Variants in NCKAP1 observed in about 807,000 individuals in gnomAD.
NCKAP1 encodes the protein nck-associated protein 1.
NCKAP1 carries 21 observed loss-of-function variants against 151.2 expected under a neutral mutation model. The ratio of observed to expected loss-of-function variants is 0.14; its 90% confidence interval spans 0.10 to 0.20. The LOEUF (loss-of-function observed/expected upper bound fraction) is 0.20. NCKAP1 is among the 10% of genes least tolerant of loss of function. NCKAP1 has a pLI of 1.00. For synonymous variants in NCKAP1, 484 were observed against 451.8 expected, an observed-to-expected ratio of 1.07 and a Z score of -0.90; for missense variants, 933 against 1,352.1, an observed-to-expected ratio of 0.69 and a Z score of 4.86.
At chr2:183,009,310 G>A (rs376325933) in intron 2 of NCKAP1, among the ~76,000 whole-genome samples, 13 of 151,206 alleles carry the variant, frequency 8.6e-5, no homozygotes, top group Admixed American at 3.3e-4. Context: ...GGGAGGTGGA[G>A]GCTGCAGTGA....
intron 15 of NCKAP1, among the ~76,000 whole-genome samples, chr2:182,969,157 C>A (rs1697635316): frequency 6.6e-6 from 1 of 152,150 alleles, no homozygotes; most frequent in African/African-American, 2.4e-5. Flanking sequence ...AGAATTTATT[C>A]TTCTCATCAG....
At chr2:182,980,888 C>G (rs1697923632) in intron 13 of NCKAP1, among the ~76,000 whole-genome samples, 1 of 152,170 alleles carries the variant, frequency 6.6e-6, no homozygotes, top group Non-Finnish European at 1.5e-5. Context: ...TCCCAGCAAT[C>G]TACCATCCAC....
chr2:183,025,760 T>C (rs931965731), intron 1 of NCKAP1, among the ~76,000 whole-genome samples: 5 of 152,152 alleles, frequency 3.3e-5, no homozygotes, highest in Non-Finnish European at 7.4e-5. Context: ...TACTAAAAAT[T>C]TGCCCAAACA....
chr2:182,991,265 T>C (rs541655733), intron 8 of NCKAP1, among the ~76,000 whole-genome samples: 1 of 152,294 alleles, frequency 6.6e-6, no homozygotes, highest in East Asian at 1.9e-4. Flanking sequence ...GAATTTAAAA[T>C]AGATTGCCCA....
Position 182,987,367 on chromosome 2 carries a change from C to G in NCKAP1, c.948-1140G>C, listed in dbSNP as rs549371602. On this transcript the variant is annotated intron_variant, in intron 9 of 30. Coordinates refer to ENST00000361354, the MANE Select transcript of NCKAP1 (RefSeq NM_013436.5). ...AGCAAATTTCCAAAATATAATAATT[C>G]TGTAATCATCACCCTCTATAATTAA... is the stretch of plus-strand genomic sequence containing the variant. 1.2e-4 allele frequency among the ~76,000 whole-genome samples: 19 copies of G among 152,206 alleles called. No homozygotes were observed. In the South Asian group the frequency reaches 3.9e-3, roughly 32 times the overall value.
At position 182,920,985 on chromosome 2, in the gene NCKAP1, G is replaced by A. The variant is rs184957220; in HGVS notation, c.*4717C>T. On this transcript the variant is annotated 3_prime_UTR_variant, in exon 31 of 31. Coordinates refer to ENST00000361354, the MANE Select transcript of NCKAP1 (RefSeq NM_013436.5). ...AGGACGCATCACTGAGTAGTGCACAGTTTTAGTCTGTGAGCACGCTTCAGT... is the reference window on the plus strand; with the variant it reads ...AGGACGCATCACTGAGTAGTGCACAATTTTAGTCTGTGAGCACGCTTCAGT... 7 of 152,286 alleles carry A rather than the reference G, an allele frequency of 4.6e-5. No individual in the cohort carries two copies. The highest frequency in any genetic ancestry group is 6.5e-5 in the Admixed American group (1 of 15,298). The allele number at this position is 152,286 out of a possible 1,614,324, so 9.4% of individuals were successfully genotyped here.
In NCKAP1 at chr2:182,967,904, T is replaced by C. The variant is rs146321032; in HGVS notation, c.1483-543A>G. On this transcript the variant is annotated intron_variant, in intron 15 of 30. Transcript: ENST00000361354. ...TAGAACTAAACGAAAATCATTAAGA[T>C]AGGTTGTGGGGAAAAAAATTCTACA... 2.4e-3 allele frequency among the ~76,000 whole-genome samples: 370 copies of C among 152,280 alleles called. 3 individuals are homozygous for C. Among genetic ancestry groups the C allele is most frequent in the African/African-American group, 7.8e-3 (324 of 41,560 alleles).
intron 2 of NCKAP1, among the ~76,000 whole-genome samples, chr2:183,011,703 T>G (rs1698592962): frequency 6.6e-6 from 1 of 152,264 alleles, no homozygotes. Flanking sequence ...GGGGCTATCA[T>G]GAATAACAAA....
At chr2:183,010,874 C>T (rs889123736) in intron 2 of NCKAP1, among the ~76,000 whole-genome samples, 7 of 152,162 alleles carry the variant, frequency 4.6e-5, no homozygotes, top group Non-Finnish European at 1.0e-4. Flanking sequence ...AGTTCCTTTA[C>T]ATTCAATTTT....
In NCKAP1 at chr2:182,917,400, T is replaced by C. The variant is rs1696485112; in HGVS notation, c.*8302A>G. The stretch of plus-strand genomic sequence containing the variant: ...ACACAGCACAGTGGAAGGAACACTA[T>C]ATGAGCACATCGCCACATATGTTAA... On this transcript the variant is annotated 3_prime_UTR_variant, in exon 31 of 31. Coordinates refer to ENST00000361354, the MANE Select transcript of NCKAP1 (RefSeq NM_013436.5). 6.6e-6 allele frequency: 1 copy of C among 152,184 alleles called. No homozygotes were observed. Among genetic ancestry groups the C allele is most frequent in the South Asian group, 2.1e-4 (1 of 4,832 alleles). The allele number at this position is 152,184 out of a possible 1,614,324, so 9.4% of individuals were successfully genotyped here.
At chr2:182,983,455 T>C in intron 10 of NCKAP1, 73 bp from the exon 11 acceptor site, 2 of 1,082,488 alleles carry the variant, frequency 1.8e-6, no homozygotes, top group Non-Finnish European at 2.8e-6. Context: ...GTAACTAGCA[T>C]TATAGGTGCA....
intron 2 of NCKAP1, among the ~76,000 whole-genome samples, chr2:183,018,187 C>T (rs1310351476): frequency 6.6e-6 from 1 of 152,036 alleles, no homozygotes; most frequent in South Asian, 2.1e-4. Context: ...GCAGAGGTTG[C>T]AGTGAGCCAA....
At chr2:182,978,770 C>A in intron 14 of NCKAP1, 64 bp downstream of exon 14, 1 of 964,454 alleles carries the variant, frequency 1.0e-6, no homozygotes, top group East Asian at 2.7e-5. Context: ...AAATTATCTC[C>A]TTAATAATCA....
chr2:182,945,375 G>A (rs578015494), intron 23 of NCKAP1, among the ~76,000 whole-genome samples: 1 of 152,058 alleles, frequency 6.6e-6, no homozygotes, highest in African/African-American at 2.4e-5. Context: ...TCCAGACCAG[G>A]TGACAGGGAG....
At chr2:183,023,779 A>G (rs111578664) in intron 2 of NCKAP1, 27 bp downstream of exon 2, 1 of 1,541,618 alleles carries the variant, frequency 6.5e-7, no homozygotes, top group East Asian at 2.2e-5. Context: ...CTTAAAATTA[A>G]GCAATAGAAA....
intron 2 of NCKAP1, among the ~76,000 whole-genome samples, chr2:183,018,273 G>T (rs967486765): frequency 2.0e-5 from 3 of 151,978 alleles, no homozygotes; most frequent in African/African-American, 7.2e-5. Context: ...AAAGAACAAT[G>T]ATACCTTAAG....
At chr2:183,011,702 A>C (rs1698592899) in intron 2 of NCKAP1, among the ~76,000 whole-genome samples, 1 of 152,212 alleles carries the variant, frequency 6.6e-6, no homozygotes. Context: ...CGGGGCTATC[A>C]TGAATAACAA....
At chr2:182,955,697 C>CAT (rs1383503236) in intron 20 of NCKAP1, among the ~76,000 whole-genome samples, 1 of 152,152 alleles carries the variant, frequency 6.6e-6, no homozygotes, top group Non-Finnish European at 1.5e-5. Context: ...CAAGTCAATA[C>CAT]ACATGCATAC....
In NCKAP1 at chr2:182,965,600, T is replaced by A. The variant is rs369040686; in HGVS notation, c.1629-792A>T. ...AGAGTAATAAGACAAACAGAAGTAGTAAACATTTCTTTATTTTGGATGTGA... is the reference window on the plus strand; with the variant it reads ...AGAGTAATAAGACAAACAGAAGTAGAAAACATTTCTTTATTTTGGATGTGA... On this transcript the variant is annotated intron_variant, in intron 16 of 30. Transcript: ENST00000361354. Among the ~76,000 whole-genome samples the A allele has an allele frequency of 3.9e-5, 6 of 152,288 alleles. No homozygotes were observed. The East Asian group carries it at 7.7e-4, about 20-fold the overall frequency.
Sources: gnomAD v4.1 joint callset for allele counts (sites outside exome capture counted in the v4.1 genomes callset) on GRCh38, gnomAD v4.1.1 for gene constraint, MANE v1.5 for transcripts, NCBI Gene and HGNC (gene_info 2026-07-23, HGNC 2026-07-21) for gene names.